BIRC5: variants seen among roughly 807,000 people sequenced by gnomAD.
BIRC5 encodes baculoviral IAP repeat-containing protein 5.
In BIRC5, 8 loss-of-function variants were observed where a neutral mutation model predicts 15.8. That is an observed-to-expected ratio of 0.51 (90% confidence interval 0.30 to 0.91). The LOEUF is 0.91. Among genes scored for constraint, BIRC5 ranks in the 40% least tolerant of loss-of-function variants. The pLI is 0.07. For missense variants in BIRC5, 163 were observed against 178.6 expected, an observed-to-expected ratio of 0.91 and a Z score of 0.50; for synonymous variants, 56 against 64.5, an observed-to-expected ratio of 0.87 and a Z score of 0.63.
chr17:78,216,850 C>A, intron 3 of BIRC5, 69 bp downstream of exon 3: 1 of 1,136,368 alleles, frequency 8.8e-7, no homozygotes, highest in Non-Finnish European at 1.3e-6. Flanking sequence ...CCTAGTCCCT[C>A]AAAGGGACTC....
At chr17:78,219,799 C>A (rs892418279) in intron 3 of BIRC5, among the ~76,000 whole-genome samples, 1 of 152,180 alleles carries the variant, frequency 6.6e-6, no homozygotes, top group African/African-American at 2.4e-5. Context: ...CAAAAAAAGG[C>A]CATGACGGGC....
Position 78,223,870 on chromosome 17 carries a change from T to C in BIRC5, c.*316T>C. 1 of 473,584 alleles carries C rather than the reference T, an allele frequency of 2.1e-6. No homozygotes were observed. Among genetic ancestry groups the C allele is most frequent in the East Asian group, 3.6e-5 (1 of 27,610 alleles). The allele number at this position is 473,584 out of a possible 1,614,324, so 29.3% of individuals were successfully genotyped here. Reference sequence around the variant, plus strand: ...TGAGGGAGGAAGAAGGCAGTGTCCCTTTTGCTAGAGCTGACAGCTTTGTTC... The same window carrying C: ...TGAGGGAGGAAGAAGGCAGTGTCCCCTTTGCTAGAGCTGACAGCTTTGTTC... On this transcript the variant is annotated 3_prime_UTR_variant, in exon 4 of 4. Transcript: ENST00000350051.
intron 3 of BIRC5, among the ~76,000 whole-genome samples, chr17:78,217,955 C>CTAATTTAT (rs1348503689): frequency 4.6e-5 from 7 of 150,782 alleles, no homozygotes; most frequent in Admixed American, 1.3e-4. Context: ...CCATGCCCAC[C>CTAATTTAT]TTATTTATTT....
chr17:78,217,244 C>G (rs191677036), intron 3 of BIRC5, among the ~76,000 whole-genome samples: 1 of 149,952 alleles, frequency 6.7e-6, no homozygotes, highest in East Asian at 2.0e-4. Flanking sequence ...GGCCTGATCT[C>G]GGATCACTGC....
intron 3 of BIRC5, among the ~76,000 whole-genome samples, chr17:78,219,838 C>G (rs1460946703): frequency 1.3e-5 from 2 of 152,216 alleles, no homozygotes; most frequent in African/African-American, 4.8e-5. Context: ...CAGGCCCTTG[C>G]TTGCCAAGCC....
intron 3 of BIRC5, among the ~76,000 whole-genome samples, chr17:78,222,306 TA>T (rs532691985): frequency 1.0e-3 from 158 of 151,532 alleles, no homozygotes; most frequent in African/African-American, 2.6e-3. Flanking sequence ...AAATTTATAT[TA>T]AAAAATGACA....
chr17:78,222,264 A>G (rs2145900536), intron 3 of BIRC5, among the ~76,000 whole-genome samples: 1 of 150,658 alleles, frequency 6.6e-6, no homozygotes, highest in South Asian at 2.1e-4. Flanking sequence ...TTATTTTTAA[A>G]TTAAATTTTC....
chr17:78,218,369 C>T (rs1413082226), intron 3 of BIRC5, among the ~76,000 whole-genome samples: 1 of 151,564 alleles, frequency 6.6e-6, no homozygotes, highest in East Asian at 1.9e-4. Context: ...TCTCGGCTCA[C>T]TGCAACCTCT....
Position 78,214,353 on chromosome 17 carries a change from T to C in BIRC5, c.37T>C (p.Phe13Leu). The change falls in exon 1 of 4, where the codon TTT (phenylalanine) becomes CTT (leucine). Residue 13 changes from phenylalanine to leucine, a missense_variant. Physicochemically the swap from Phe to Leu is conservative, Grantham distance 22. Coordinates refer to ENST00000350051, the MANE Select transcript of BIRC5 (RefSeq NM_001168.3). ...GACGTTGCCCCCTGCCTGGCAGCCC[T>C]TTCTCAAGGACCACCGCATCTCTAC... Reference protein sequence around the residue: ...APTLPPAWQPFLKDHRISTFK... With the variant: ...APTLPPAWQPLLKDHRISTFK... 1 of 1,608,894 alleles carries C rather than the reference T, an allele frequency of 6.2e-7. No homozygotes were observed. Among genetic ancestry groups the C allele is most frequent in the Non-Finnish European group, 8.5e-7 (1 of 1,178,008 alleles).
At chr17:78,222,727 G>T (rs1430652666) in intron 3 of BIRC5, 11 of 1,428,338 alleles carry the variant, frequency 7.7e-6, no homozygotes, top group Non-Finnish European at 9.3e-6. Context: ...CCCAATAAAG[G>T]TCTTTGTTTT....
In BIRC5 at chr17:78,223,780, C is replaced by CTCTCTCTCT. The variant is rs772563554; in HGVS notation, c.*227_*235dup. 5.7e-5 allele frequency: 53 copies of CTCTCTCTCT among 927,196 alleles called. No homozygotes were observed. The highest frequency in any genetic ancestry group is 8.6e-5 in the African/African-American group (5 of 58,456). The allele number at this position is 927,196 out of a possible 1,614,324, so 57.4% of individuals were successfully genotyped here. A position where few individuals can be genotyped will look rare whatever the true frequency, so the allele number is the denominator to read the frequency against. Reference sequence around the variant, plus strand: ...TGCTGGTAACAGTGGCTGCTTCTCTCTCTCTCTCTCTTTTTTGGGGGCTCA... The same window carrying CTCTCTCTCT: ...TGCTGGTAACAGTGGCTGCTTCTCTCTCTCTCTCTTCTCTCTCTCTTTTTTGGGGGCTCA... On this transcript the variant is annotated 3_prime_UTR_variant, in exon 4 of 4. Coordinates refer to ENST00000350051, the MANE Select transcript of BIRC5 (RefSeq NM_001168.3).
rs1599028664 is a variant in BIRC5 at position 78,216,728 on chromosome 17, T to C, written c.286T>C (p.Leu96=). 1 of 1,614,062 alleles carries C rather than the reference T, an allele frequency of 6.2e-7. No individual in the cohort carries two copies. The highest frequency in any genetic ancestry group is 2.2e-5 in the East Asian group (1 of 44,884). The change falls in exon 3 of 4, where the codon TTA becomes CTA. Residue 96 remains leucine, a synonymous_variant. Coordinates refer to ENST00000350051, the MANE Select transcript of BIRC5 (RefSeq NM_001168.3). Reference sequence around the variant, plus strand: ...TTCTGTCAAGAAGCAGTTTGAAGAATTAACCCTTGGTGAATTTTTGAAACT... The same window carrying C: ...TTCTGTCAAGAAGCAGTTTGAAGAACTAACCCTTGGTGAATTTTTGAAACT... ...FLSVKKQFEE[L]TLGEFLKLDR... is the part of the protein sequence containing the mutation.
At chr17:78,221,044 A>G (rs887362104) in intron 3 of BIRC5, among the ~76,000 whole-genome samples, 1 of 152,238 alleles carries the variant, frequency 6.6e-6, no homozygotes, top group Non-Finnish European at 1.5e-5. Flanking sequence ...TTGGGCGCTG[A>G]TTCTTGTTCC....
chr17:78,214,606 A>C (rs2076464200), intron 1 of BIRC5, 74 bp from the exon 2 acceptor site: 1 of 1,409,544 alleles, frequency 7.1e-7, no homozygotes, highest in Non-Finnish European at 9.6e-7. Flanking sequence ...CTTTGTCCCC[A>C]TCGAGGCCTT....
chr17:78,216,872 C>G (rs1018832012), intron 3 of BIRC5, 91 bp downstream of exon 3: 5 of 995,072 alleles, frequency 5.0e-6, no homozygotes, highest in Non-Finnish European at 7.4e-6. Context: ...GTGTTTTCCT[C>G]AGGAAGCATT....
intron 3 of BIRC5, among the ~76,000 whole-genome samples, chr17:78,219,162 G>A (rs142013709): frequency 3.9e-5 from 6 of 152,132 alleles, no homozygotes; most frequent in South Asian, 2.1e-4. Context: ...AGAGATCAGC[G>A]TAAAATAATT....
chr17:78,218,985 C>G (rs1427691938), intron 3 of BIRC5, among the ~76,000 whole-genome samples: 1 of 152,112 alleles, frequency 6.6e-6, no homozygotes, highest in Non-Finnish European at 1.5e-5. Flanking sequence ...ATCCTTGTAG[C>G]AAAGCCCTGG....
In BIRC5 at chr17:78,224,038, C is replaced by A; in HGVS notation, c.*484C>A. On this transcript the variant is annotated 3_prime_UTR_variant, in exon 4 of 4. Transcript: ENST00000350051. ...GTCACACCTGTGCCTCCTCAGAGGA[C>A]AGTTTTTTTGTTGTTGTGTTTTTTT... 1.3e-5 allele frequency: 2 copies of A among 157,794 alleles called. No individual in the cohort carries two copies. The highest frequency in any genetic ancestry group is 2.5e-5 in the African/African-American group (1 of 39,638). The allele number at this position is 157,794 out of a possible 1,614,324, so 9.8% of individuals were successfully genotyped here. A position where few individuals can be genotyped will look rare whatever the true frequency, so the allele number is the denominator to read the frequency against.
intron 3 of BIRC5, among the ~76,000 whole-genome samples, chr17:78,219,431 C>T (rs1003885313): frequency 6.6e-5 from 10 of 152,246 alleles, no homozygotes; most frequent in South Asian, 4.1e-4. Context: ...GTGATCTGCC[C>T]GCCTTGGCAT....
Sources: gnomAD v4.1 joint callset for allele counts (sites outside exome capture counted in the v4.1 genomes callset) on GRCh38, gnomAD v4.1.1 for gene constraint, MANE v1.5 for transcripts, NCBI Gene and HGNC (gene_info 2026-07-23, HGNC 2026-07-21) for gene names.